The following CHLSN variants were observed in gnomAD, a reference collection of about 807,000 sequenced individuals.
CHLSN encodes the protein cholesin, also known as protein cholesin.
chr7:1,116,322 C>T, the CHLSN span, among the ~76,000 whole-genome samples: 1 of 143,802 alleles, frequency 7.0e-6, no homozygotes, highest in Non-Finnish European at 1.5e-5. Flanking sequence ...GGACAGGCTT[C>T]CATCACCAAC....
chr7:1,002,756 T>G, the CHLSN span, among the ~76,000 whole-genome samples: 1 of 70,558 alleles, frequency 1.4e-5, no homozygotes, highest in African/African-American at 6.5e-5. Flanking sequence ...GGGAGTCCTG[T>G]GGGTGGGGAG....
chr7:1,108,600 C>T, the CHLSN span, among the ~76,000 whole-genome samples: 1 of 152,220 alleles, frequency 6.6e-6, no homozygotes, highest in Non-Finnish European at 1.5e-5. Flanking sequence ...ACCCCAGCTT[C>T]CCTGCCATGT....
At chr7:1,108,932 T>G in the CHLSN span, among the ~76,000 whole-genome samples, 1 of 149,400 alleles carries the variant, frequency 6.7e-6, no homozygotes, top group South Asian at 2.1e-4. Context: ...AGTCTCGCTC[T>G]GTCGCCCAGG....
At chr7:1,019,237 G>A in the CHLSN span, among the ~76,000 whole-genome samples, 1 of 148,188 alleles carries the variant, frequency 6.7e-6, no homozygotes, top group Non-Finnish European at 1.5e-5. Context: ...GAAAGGGAGG[G>A]AGGAAGAGGG....
chr7:1,057,386 T>C, the CHLSN span: 3 of 603,706 alleles, frequency 5.0e-6, no homozygotes, highest in Admixed American at 8.6e-5. Flanking sequence ...CTCTGTGGTC[T>C]GCAGCGATTA....
chr7:1,093,487 G>T, the CHLSN span: 1 of 470,196 alleles, frequency 2.1e-6, no homozygotes, highest in South Asian at 1.5e-5. Flanking sequence ...GGCCCACGAG[G>T]AGCAGCAGCG....
chr7:1,077,638 C>G, the CHLSN span: 1 of 152,332 alleles, frequency 6.6e-6, no homozygotes, highest in Non-Finnish European at 1.5e-5. Context: ...ACTAAGCTGG[C>G]TGCCTCCTAC....
chr7:1,088,854 C>G, the CHLSN span, among the ~76,000 whole-genome samples: 2 of 151,978 alleles, frequency 1.3e-5, no homozygotes, highest in African/African-American at 4.8e-5. This position sits in a 1 kb window ranked among gnomAD's most constrained non-coding sequence, Gnocchi z 4.5. Flanking sequence ...GAATGGCACA[C>G]TAGGTTCCTC....
chr7:1,117,628 G>A, the CHLSN span, among the ~76,000 whole-genome samples: 6 of 129,206 alleles, frequency 4.6e-5, no homozygotes, highest in South Asian at 1.5e-3. Flanking sequence ...GCAGGATGAT[G>A]ACATCACTAC....
chr7:1,114,698 C>T, the CHLSN span, among the ~76,000 whole-genome samples: 2,380 of 152,330 alleles, frequency 0.016, 61 homozygotes, highest in African/African-American at 0.049. Flanking sequence ...GGAACACCAG[C>T]AAACCAGGGC....
At chr7:984,300 C>T in the CHLSN span, 2 of 1,379,842 alleles carry the variant, frequency 1.4e-6, no homozygotes, top group Non-Finnish European at 1.9e-6. Context: ...CCTCCACCTG[C>T]CCCCATTTTC....
the CHLSN span, among the ~76,000 whole-genome samples, chr7:1,129,210 C>T: frequency 9.9e-5 from 2 of 20,150 alleles, no homozygotes; most frequent in Admixed American, 4.0e-4. Context: ...CACCGTCACC[C>T]GGGCTGGAGT....
the CHLSN span, among the ~76,000 whole-genome samples, chr7:1,009,016 T>TGCACACGCGTAC: frequency 1.5e-5 from 2 of 134,988 alleles, no homozygotes; most frequent in East Asian, 4.1e-4. Context: ...CACACACACA[T>TGCACACGCGTAC]ACACATGCAC....
the CHLSN span, among the ~76,000 whole-genome samples, chr7:1,106,977 C>G: frequency 6.6e-6 from 1 of 152,192 alleles, no homozygotes; most frequent in Admixed American, 6.5e-5. Context: ...CCTGCTGGGA[C>G]TGCACCAGGC....
chr7:1,120,370 A>G, the CHLSN span, among the ~76,000 whole-genome samples: 1 of 152,036 alleles, frequency 6.6e-6, no homozygotes, highest in South Asian at 2.1e-4. Context: ...CAGTGGTGCA[A>G]TCTTGGCTCA....
the CHLSN span, among the ~76,000 whole-genome samples, chr7:1,090,176 G>T: frequency 6.6e-6 from 1 of 152,222 alleles, no homozygotes. Flanking sequence ...GTTTACTCCA[G>T]GGCACCAGCA....
the CHLSN span, among the ~76,000 whole-genome samples, chr7:1,011,894 G>A: frequency 3.9e-5 from 6 of 152,168 alleles, no homozygotes; most frequent in African/African-American, 9.7e-5. Flanking sequence ...GGCCTGGGCC[G>A]CCCACACACA....
chr7:1,119,862 A>G, the CHLSN span, among the ~76,000 whole-genome samples: 29 of 142,032 alleles, frequency 2.0e-4, 1 homozygote, highest in Admixed American at 1.7e-3. Context: ...GGGCAACAAG[A>G]GCGAAACTCC....
At chr7:1,133,243 T>G in the CHLSN span, among the ~76,000 whole-genome samples, 7 of 152,100 alleles carry the variant, frequency 4.6e-5, no homozygotes, top group South Asian at 1.5e-3. Context: ...CAAATTATAC[T>G]GACAGAAAGG....
Sources: allele counts gnomAD v4.1 joint callset (sites outside exome capture counted in the v4.1 genomes callset), GRCh38; gene constraint gnomAD v4.1.1; non-coding constraint Gnocchi (gnomAD v3.1); transcripts MANE v1.5; gene names NCBI Gene and HGNC (gene_info 2026-07-23, HGNC 2026-07-21).